Variants in STAU2 observed in about 807,000 individuals in gnomAD.
The protein encoded by STAU2 is staufen double-stranded RNA binding protein 2.
In STAU2, 20 loss-of-function variants were observed where a neutral mutation model predicts 65.9. That is an observed-to-expected ratio of 0.30 (90% CI 0.21 to 0.44). The LOEUF is 0.44. STAU2 is among the 20% of genes least tolerant of loss of function. The probability of loss-of-function intolerance (pLI) is 1.00; values close to 1 mark genes in which losing one functional copy is unlikely to be tolerated. For missense variants in STAU2, 558 were observed against 683.9 expected, an observed-to-expected ratio of 0.82 and a Z score of 2.05; for synonymous variants, 232 against 233.9, an observed-to-expected ratio of 0.99 and a Z score of 0.07.
chr8:73,449,429 G>C (rs1017740348), intron 13 of STAU2, among the ~76,000 whole-genome samples: 2 of 152,184 alleles, frequency 1.3e-5, no homozygotes, highest in Non-Finnish European at 2.9e-5. Flanking sequence ...CAACTCTTAT[G>C]ATCTTATCGC....
intron 9 of STAU2, 34 bp downstream of exon 9, chr8:73,613,710 T>C (rs1248175887): frequency 1.3e-6 from 2 of 1,520,284 alleles, no homozygotes; most frequent in East Asian, 4.5e-5. Context: ...ATTTATTTAG[T>C]AAAACTGACT....
intron 3 of STAU2, among the ~76,000 whole-genome samples, chr8:73,726,879 A>G (rs960689124): frequency 4.6e-5 from 7 of 152,126 alleles, no homozygotes; most frequent in Non-Finnish European, 1.0e-4. Context: ...TCTTCTTTGT[A>G]AGCATTTTAA....
intron 13 of STAU2, among the ~76,000 whole-genome samples, chr8:73,524,666 A>T (rs916792440): frequency 6.6e-5 from 10 of 152,184 alleles, no homozygotes; most frequent in Admixed American, 3.9e-4. Context: ...CCTGTGTTTC[A>T]TAAGAAGGAC....
chr8:73,491,877 G>T (rs1323699795), intron 13 of STAU2, among the ~76,000 whole-genome samples: 1 of 151,904 alleles, frequency 6.6e-6, no homozygotes, highest in East Asian at 1.9e-4. Context: ...TTATCCTTAA[G>T]AAATAAATGA....
intron 13 of STAU2, among the ~76,000 whole-genome samples, chr8:73,441,826 T>A (rs1818164728): frequency 6.6e-6 from 1 of 152,228 alleles, no homozygotes. Flanking sequence ...GTAAGTTAAG[T>A]ATTATGTGTC....
At chr8:73,687,208 T>A (rs1818913637) in intron 5 of STAU2, among the ~76,000 whole-genome samples, 2 of 138,516 alleles carry the variant, frequency 1.4e-5, no homozygotes, top group Non-Finnish European at 3.1e-5. Context: ...ATAAATTTTT[T>A]AATTTAAATA....
At chr8:73,661,391 T>A (rs921426252) in intron 6 of STAU2, among the ~76,000 whole-genome samples, 1 of 151,076 alleles carries the variant, frequency 6.6e-6, no homozygotes, top group African/African-American at 2.4e-5. Context: ...CGCTTTCTTA[T>A]AAATATTTTT....
At chr8:73,539,766 C>G (rs1463521153) in intron 13 of STAU2, among the ~76,000 whole-genome samples, 1 of 151,626 alleles carries the variant, frequency 6.6e-6, no homozygotes, top group African/African-American at 2.4e-5. Context: ...TCGCTTGAAC[C>G]TGGGAGGCGG....
At chr8:73,453,599 C>T (rs138655656) in intron 13 of STAU2, among the ~76,000 whole-genome samples, 6 of 152,260 alleles carry the variant, frequency 3.9e-5, no homozygotes, top group Admixed American at 2.0e-4. Flanking sequence ...AAAATTGGCA[C>T]GAGTGCTTAG....
intron 11 of STAU2, among the ~76,000 whole-genome samples, chr8:73,587,918 A>G (rs1044875297): frequency 2.0e-5 from 3 of 152,146 alleles, no homozygotes; most frequent in African/African-American, 7.2e-5. Context: ...CTTTTTATAT[A>G]TGTATTATTT....
intron 5 of STAU2, among the ~76,000 whole-genome samples, chr8:73,673,528 C>A (rs925696144): frequency 6.6e-6 from 1 of 151,936 alleles, no homozygotes; most frequent in African/African-American, 2.4e-5. Context: ...GATTGCTAAC[C>A]GTGAATATTA....
chr8:73,728,507 ATTGAATCTGGAGATTGCT>A (rs1159129404), intron 3 of STAU2, among the ~76,000 whole-genome samples: 1 of 149,920 alleles, frequency 6.7e-6, no homozygotes, highest in Non-Finnish European at 1.5e-5. Flanking sequence ...TAGAGATTGC[ATTGAATCTGGAGATTGCT>A]TTGGACAGTA....
At position 73,682,282 on chromosome 8, in the gene STAU2, G is replaced by A. The variant is rs915996029; in HGVS notation, c.274+6372C>T. On this transcript the variant is annotated intron_variant, in intron 5 of 14. Transcript: ENST00000524300. ...CAAAATTATATCAACTACTCTCTCA[G>A]ACCACAGTGGCATAAAATTGGACAT... is the stretch of plus-strand genomic sequence containing the variant. Among the ~76,000 whole-genome samples the A allele has an allele frequency of 6.6e-5, 10 of 151,734 alleles. No homozygotes were observed. In the South Asian group the frequency reaches 1.2e-3, roughly 19 times the overall value.
intron 11 of STAU2, among the ~76,000 whole-genome samples, chr8:73,592,298 TAA>T: frequency 6.6e-6 from 1 of 152,088 alleles, no homozygotes; most frequent in East Asian, 1.9e-4. Context: ...CTGCTACTAC[TAA>T]AAGAGTAAAG....
chr8:73,709,884 T>C (rs1586322337), intron 3 of STAU2, among the ~76,000 whole-genome samples: 1 of 152,244 alleles, frequency 6.6e-6, no homozygotes, highest in Admixed American at 6.5e-5. Context: ...ATAAATGGTA[T>C]TATAGCATTA....
chr8:73,683,291 G>A (rs1163905911), intron 5 of STAU2, among the ~76,000 whole-genome samples: 1 of 152,122 alleles, frequency 6.6e-6, no homozygotes, highest in Non-Finnish European at 1.5e-5. Context: ...TCATACCAGG[G>A]ATGCAGGGAT....
intron 13 of STAU2, among the ~76,000 whole-genome samples, chr8:73,466,019 T>C (rs1455582371): frequency 6.6e-6 from 1 of 152,228 alleles, no homozygotes; most frequent in Non-Finnish European, 1.5e-5. Context: ...TTTCGCCATG[T>C]TGGCTCACCC....
intron 13 of STAU2, among the ~76,000 whole-genome samples, chr8:73,443,612 G>A (rs887097540): frequency 6.6e-6 from 1 of 152,176 alleles, no homozygotes; most frequent in African/African-American, 2.4e-5. Context: ...AATGTTTTGG[G>A]AGGCCAAGAC....
intron 4 of STAU2, among the ~76,000 whole-genome samples, chr8:73,694,939 C>T (rs1485652208): frequency 6.6e-6 from 1 of 152,192 alleles, no homozygotes; most frequent in African/African-American, 2.4e-5. Context: ...GGGAATTGCC[C>T]ATCATAGCAG....
Sources: allele counts gnomAD v4.1 joint callset (sites outside exome capture counted in the v4.1 genomes callset), GRCh38; gene constraint gnomAD v4.1.1; transcripts MANE v1.5; gene names NCBI Gene and HGNC (gene_info 2026-07-23, HGNC 2026-07-21).